PLCH1: variants seen among roughly 807,000 people sequenced by gnomAD.
PLCH1 encodes the protein phospholipase C eta 1, also known as 1-phosphatidylinositol 4,5-bisphosphate phosphodiesterase eta-1.
In PLCH1, 60 loss-of-function variants were observed where a neutral mutation model predicts 126.7. The observed-to-expected ratio is 0.47, with a 90% CI of 0.38 to 0.59. PLCH1 has a LOEUF of 0.59. Among genes scored for constraint, PLCH1 ranks in the 20% least tolerant of loss-of-function variants. PLCH1 has a pLI of 0.00. For synonymous variants in PLCH1, 719 were observed against 734.9 expected, an observed-to-expected ratio of 0.98 and a Z score of 0.35; for missense variants, 1,723 against 2,040.0, an observed-to-expected ratio of 0.84 and a Z score of 2.99.
intron 1 of PLCH1, among the ~76,000 whole-genome samples, chr3:155,710,054 C>T (rs1746979635): frequency 6.6e-6 from 1 of 152,226 alleles, no homozygotes; most frequent in Non-Finnish European, 1.5e-5. Flanking sequence ...CTAGTGCCAT[C>T]TTGGCTCACT....
intron 2 of PLCH1, among the ~76,000 whole-genome samples, chr3:155,618,252 G>A (rs3908139): frequency 0.49 from 73,848 of 151,892 alleles, 20,343 homozygotes; most frequent in African/African-American, 0.74. Context: ...ATTTTCTACA[G>A]TTTGGACTGA....
At position 155,542,489 on chromosome 3, in the gene PLCH1, T is replaced by G. The variant is rs866135035; in HGVS notation, c.1362+7298A>C. Among the ~76,000 whole-genome samples the G allele has an allele frequency of 1.1e-4, 17 of 152,198 alleles. No individual in the cohort carries two copies. The South Asian group carries it at 2.7e-3, about 24-fold the overall frequency. On this transcript the variant is annotated intron_variant, in intron 10 of 22. Coordinates refer to ENST00000460012, the MANE Select transcript of PLCH1 (RefSeq NM_014996.4). The stretch of plus-strand genomic sequence containing the variant: ...GACAAACAAAAAGACAGCAGTAACT[T>G]CTGCAGACTTAAATGTCCCCGTCTG...
chr3:155,611,977 T>C (rs2108735090), intron 2 of PLCH1, among the ~76,000 whole-genome samples: 1 of 151,680 alleles, frequency 6.6e-6, no homozygotes, highest in South Asian at 2.1e-4. Flanking sequence ...ACAATAGGAG[T>C]GACACAACCT....
chr3:155,669,471 G>A (rs1743173661), intron 2 of PLCH1, among the ~76,000 whole-genome samples: 1 of 152,024 alleles, frequency 6.6e-6, no homozygotes, highest in Admixed American at 6.5e-5. Context: ...CCAGCTACTC[G>A]AGAGGCTAAG....
chr3:155,523,653 G>A (rs1721499787), intron 11 of PLCH1, among the ~76,000 whole-genome samples: 1 of 152,186 alleles, frequency 6.6e-6, no homozygotes, highest in Non-Finnish European at 1.5e-5. Flanking sequence ...ATTTATCCCT[G>A]GAGAGAGGGT....
intron 9 of PLCH1, among the ~76,000 whole-genome samples, 154 bp downstream of exon 9, chr3:155,553,922 C>G (rs912554031): frequency 1.3e-5 from 2 of 152,168 alleles, no homozygotes; most frequent in Admixed American, 6.5e-5. Flanking sequence ...ATTATTTGTT[C>G]ACAATGTTTT....
chr3:155,470,536 C>G lies in PLCH1; in HGVS notation c.2938+14820G>C, dbSNP rs901491966. 2.9e-4 allele frequency among the ~76,000 whole-genome samples: 44 copies of G among 152,246 alleles called. No homozygotes were observed. The East Asian group carries it at 3.1e-3, about 11-fold the overall frequency. ...TATCCAGGAGAACTTCCCCAATCTA[C>G]CAAGGCAGGCCAACGTTCAGATTCA... On this transcript the variant is annotated intron_variant, in intron 21 of 21. Transcript: ENST00000494598.
At chr3:155,488,909 G>A in intron 19 of PLCH1, 103 bp from the exon 20 acceptor site, 1 of 987,116 alleles carries the variant, frequency 1.0e-6, no homozygotes, top group African/African-American at 1.7e-5. Flanking sequence ...GCTTGCAATG[G>A]TTATTAAACT....
intron 2 of PLCH1, among the ~76,000 whole-genome samples, chr3:155,663,009 A>T (rs978513239): frequency 1.6e-4 from 25 of 152,278 alleles, no homozygotes; most frequent in Non-Finnish European, 2.6e-4. Context: ...GCTATAATTT[A>T]AAAAAGTATT....
intron 6 of PLCH1, among the ~76,000 whole-genome samples, chr3:155,576,486 A>G (rs187073979): frequency 6.6e-6 from 1 of 152,358 alleles, no homozygotes; most frequent in East Asian, 1.9e-4. Flanking sequence ...TGTCAAAGGC[A>G]TAAATTCAAT....
chr3:155,520,195 C>T (rs56328238), intron 11 of PLCH1, among the ~76,000 whole-genome samples: 15,352 of 152,204 alleles, frequency 0.1, 1,766 homozygotes, highest in African/African-American at 0.29. Flanking sequence ...ATGCTTTCAA[C>T]AGCAAGACCT....
intron 1 of PLCH1, among the ~76,000 whole-genome samples, chr3:155,707,555 G>A (rs1379756759): frequency 6.6e-6 from 1 of 151,974 alleles, no homozygotes; most frequent in Non-Finnish European, 1.5e-5. Flanking sequence ...CAGGCGTGGG[G>A]GTGGGCGCCT....
intron 21 of PLCH1, 58 bp from the exon 22 acceptor site, chr3:155,485,768 G>T: frequency 9.4e-7 from 1 of 1,068,384 alleles, no homozygotes; most frequent in Non-Finnish European, 1.4e-6. Context: ...TCAACAACTT[G>T]CCTTGAAAAT....
intron 21 of PLCH1, among the ~76,000 whole-genome samples, chr3:155,451,122 T>C (rs1712298965): frequency 6.6e-6 from 1 of 151,522 alleles, no homozygotes; most frequent in African/African-American, 2.4e-5. Context: ...TATTGATGAG[T>C]CCATACTGAT....
At chr3:155,502,960 C>G (rs907813040) in intron 13 of PLCH1, among the ~76,000 whole-genome samples, 2 of 152,174 alleles carry the variant, frequency 1.3e-5, no homozygotes, top group Non-Finnish European at 2.9e-5. Flanking sequence ...AAGAAATGGC[C>G]TTACAGAAAC....
In PLCH1 at chr3:155,494,511, G is replaced by C; in HGVS notation, c.1901C>G (p.Thr634Arg). 6.3e-7 allele frequency: 1 copy of C among 1,590,338 alleles called. No homozygotes were observed. The highest frequency in any genetic ancestry group is 8.5e-7 in the Non-Finnish European group (1 of 1,173,000). ...AAQDIVDDGT[T>R]GNVLSFSETR... ...TTCACTGAATGATAACACATTTCCT[G>C]TGGTTCCTGGCAGTTTTTAATCGAG... Residue 634 changes from threonine (T) to arginine (R), a missense_variant, in exon 16 of 23, where the codon ACA becomes AGA. By Grantham distance (71) the Thr-to-Arg change is moderately conservative. This residue lies in a region of PLCH1 where 776 missense variants were observed against 1,062.9 expected (regional missense o/e 0.73). Transcript: ENST00000460012.
At chr3:155,454,877 C>A (rs193234600) in intron 21 of PLCH1, among the ~76,000 whole-genome samples, 147 of 152,246 alleles carry the variant, frequency 9.7e-4, no homozygotes, top group Admixed American at 1.5e-3. Context: ...TTGGGCTGGT[C>A]CCCCTGTTAC....
chr3:155,702,120 G>A (rs1746325420), intron 2 of PLCH1, among the ~76,000 whole-genome samples: 1 of 152,088 alleles, frequency 6.6e-6, no homozygotes, highest in Non-Finnish European at 1.5e-5. Context: ...TGAAAAGGGA[G>A]CTCAGACAAT....
intron 1 of PLCH1, among the ~76,000 whole-genome samples, chr3:155,740,471 G>A (rs888074524): frequency 6.6e-6 from 1 of 151,776 alleles, no homozygotes; most frequent in African/African-American, 2.4e-5. Context: ...ACAATATTAG[G>A]TTAAATCATA....
Sources: allele counts gnomAD v4.1 joint callset (sites outside exome capture counted in the v4.1 genomes callset), GRCh38; gene constraint gnomAD v4.1.1; regional missense constraint gnomAD v4.1.1; transcripts MANE v1.5; gene names NCBI Gene and HGNC (gene_info 2026-07-23, HGNC 2026-07-21).